Variants in TENM2 observed in about 807,000 individuals in gnomAD.
TENM2 encodes the protein teneurin transmembrane protein 2.
A neutral mutation model predicts 245.2 loss-of-function variants in TENM2; 52 were observed. The observed-to-expected ratio is 0.21, with a 90% CI of 0.17 to 0.27. The LOEUF is 0.27. TENM2 is among the 10% of genes least tolerant of loss of function. TENM2 has a pLI of 1.00. For missense variants in TENM2, 3,046 were observed against 3,666.8 expected, an observed-to-expected ratio of 0.83 and a Z score of 4.37; for synonymous variants, 1,363 against 1,438.9, an observed-to-expected ratio of 0.95 and a Z score of 1.19.
Position 167,748,604 on chromosome 5 carries a change from C to T in TENM2, c.503-127382C>T, listed in dbSNP as rs1029207628. Among the ~76,000 whole-genome samples, 2 of 151,876 alleles carry T rather than the reference C, an allele frequency of 1.3e-5. 1 individual carries two copies. The highest frequency in any genetic ancestry group is 2.9e-5 in the Non-Finnish European group (2 of 67,948). ...TTTTCACATTGCTATTAAGATACTA[C>T]CCAAGACTGGGTAATTTATAAACAA... On this transcript the variant is annotated intron_variant, in intron 2 of 28. Transcript: ENST00000518659.
intron 2 of TENM2, among the ~76,000 whole-genome samples, chr5:167,504,234 C>A (rs1769397311): frequency 6.6e-6 from 1 of 152,122 alleles, no homozygotes; most frequent in African/African-American, 2.4e-5. Context: ...TTCATTATTT[C>A]TAACTAAAGT....
At chr5:168,226,933 A>AGAT (rs1487570947) in intron 24 of TENM2, among the ~76,000 whole-genome samples, 3 of 152,240 alleles carry the variant, frequency 2.0e-5, no homozygotes, top group African/African-American at 7.2e-5. Flanking sequence ...TCCTCTCAGT[A>AGAT]GATAAATGGT....
chr5:167,988,592 C>G (rs1425276463), intron 4 of TENM2, among the ~76,000 whole-genome samples: 1 of 151,878 alleles, frequency 6.6e-6, no homozygotes, highest in Non-Finnish European at 1.5e-5. Flanking sequence ...GTGCAAAGGC[C>G]CGGAGGCAAG....
chr5:168,178,434 GT>G (rs1178316555), intron 13 of TENM2, among the ~76,000 whole-genome samples: 1 of 152,166 alleles, frequency 6.6e-6, no homozygotes, highest in Admixed American at 6.5e-5. Context: ...GTTGCCAGTG[GT>G]TTTTGTAACA....
At chr5:167,440,459 C>A (rs1318509574) in intron 2 of TENM2, among the ~76,000 whole-genome samples, 1 of 152,106 alleles carries the variant, frequency 6.6e-6, no homozygotes, top group Admixed American at 6.6e-5. Context: ...AAATGTGTCA[C>A]ATTGGTTATT....
chr5:167,060,797 C>G, the TENM2 span, among the ~76,000 whole-genome samples: 1 of 151,404 alleles, frequency 6.6e-6, no homozygotes, highest in Non-Finnish European at 1.5e-5. Context: ...TATATTGAGT[C>G]TTTGAAAGCC....
At chr5:168,234,923 T>G (rs1259156167) in intron 25 of TENM2, among the ~76,000 whole-genome samples, 1 of 152,200 alleles carries the variant, frequency 6.6e-6, no homozygotes, top group Non-Finnish European at 1.5e-5. Flanking sequence ...AAGTGGGAGT[T>G]AGTAATTTTG....
At chr5:168,156,255 A>AAAAAAC (rs1757160477) in intron 12 of TENM2, among the ~76,000 whole-genome samples, 1 of 149,824 alleles carries the variant, frequency 6.7e-6, no homozygotes, top group Admixed American at 6.6e-5. Context: ...GTTAAAAAAA[A>AAAAAAC]AAAAAAAAAA....
chr5:167,008,005 A>C, the TENM2 span, among the ~76,000 whole-genome samples: 3 of 152,060 alleles, frequency 2.0e-5, no homozygotes, highest in Non-Finnish European at 4.4e-5. Flanking sequence ...CCACCGTTGG[A>C]TGTTGCTTGA....
At chr5:167,443,296 G>A (rs534273836) in intron 2 of TENM2, among the ~76,000 whole-genome samples, 1 of 152,006 alleles carries the variant, frequency 6.6e-6, no homozygotes, top group Non-Finnish European at 1.5e-5. Context: ...ATTAGTGCTC[G>A]GGTACCAAAT....
At chr5:167,477,511 T>C (rs750165562) in intron 2 of TENM2, among the ~76,000 whole-genome samples, 2 of 152,192 alleles carry the variant, frequency 1.3e-5, no homozygotes, top group Non-Finnish European at 2.9e-5. Flanking sequence ...TTGTATGTAA[T>C]AATAATAGCT....
chr5:167,353,619 T>C (rs1003055143), intron 1 of TENM2, among the ~76,000 whole-genome samples: 4 of 142,454 alleles, frequency 2.8e-5, no homozygotes, highest in Non-Finnish European at 4.6e-5. Flanking sequence ...GCCATTCTCC[T>C]GCCTCAGCCT....
At chr5:167,764,648 G>A (rs1413603195) in intron 2 of TENM2, among the ~76,000 whole-genome samples, 1 of 152,162 alleles carries the variant, frequency 6.6e-6, no homozygotes, top group Non-Finnish European at 1.5e-5. Context: ...GTGGAACAGG[G>A]GCACTTGGAG....
chr5:167,347,141 GA>G (rs111545947), intron 1 of TENM2, among the ~76,000 whole-genome samples: 2,247 of 129,526 alleles, frequency 0.017, 43 homozygotes, highest in African/African-American at 0.055. Context: ...AATTACAAGA[GA>G]AAAAAAAAAA....
intron 2 of TENM2, among the ~76,000 whole-genome samples, chr5:167,777,053 A>G (rs1359546577): frequency 1.3e-5 from 2 of 152,282 alleles, no homozygotes; most frequent in African/African-American, 4.8e-5. Flanking sequence ...GGCATAAATA[A>G]GTTTGAGAAT....
chr5:167,633,831 T>C (rs995037768), intron 2 of TENM2, among the ~76,000 whole-genome samples: 1 of 152,212 alleles, frequency 6.6e-6, no homozygotes, highest in African/African-American at 2.4e-5. Flanking sequence ...TCTTAAAGAA[T>C]GTAGCAGATT....
chr5:167,977,594 G>A (rs1308419147), intron 4 of TENM2, among the ~76,000 whole-genome samples: 1 of 152,196 alleles, frequency 6.6e-6, no homozygotes, highest in East Asian at 1.9e-4. Flanking sequence ...AAATATTTTG[G>A]CTCTTTCTAC....
intron 2 of TENM2, among the ~76,000 whole-genome samples, chr5:167,480,998 A>G (rs1767722989): frequency 6.6e-6 from 1 of 152,228 alleles, no homozygotes; most frequent in Non-Finnish European, 1.5e-5. Flanking sequence ...CATTTTGGAT[A>G]TCGGAACCCT....
chr5:167,785,372 T>C (rs1764503611), intron 2 of TENM2, among the ~76,000 whole-genome samples: 1 of 152,236 alleles, frequency 6.6e-6, no homozygotes, highest in Non-Finnish European at 1.5e-5. Context: ...CCCTTTTTTT[T>C]CCTCCTTGCT....
Sources: allele counts gnomAD v4.1 joint callset (sites outside exome capture counted in the v4.1 genomes callset), GRCh38; gene constraint gnomAD v4.1.1; transcripts MANE v1.5; gene names NCBI Gene and HGNC (gene_info 2026-07-23, HGNC 2026-07-21).